KATNIP: variants seen among roughly 807,000 people sequenced by gnomAD.
KATNIP encodes the protein katanin-interacting protein.
Under a neutral mutation model 174.0 loss-of-function variants are expected in KATNIP, and 126 were observed. That is an observed-to-expected ratio of 0.72 (90% CI 0.63 to 0.84). KATNIP has a LOEUF of 0.84. KATNIP is among the 40% of genes least tolerant of loss of function. The pLI is 0.00. For synonymous variants in KATNIP, 810 were observed against 835.7 expected, an observed-to-expected ratio of 0.97 and a Z score of 0.53; for missense variants, 1,958 against 2,109.7, an observed-to-expected ratio of 0.93 and a Z score of 1.41.
intron 14 of KATNIP, among the ~76,000 whole-genome samples, chr16:27,730,313 T>C (rs2080620532): frequency 1.3e-5 from 2 of 152,238 alleles, no homozygotes; most frequent in Admixed American, 1.3e-4. Context: ...CATGAAAATA[T>C]GAATTTTTTT....
intron 13 of KATNIP, among the ~76,000 whole-genome samples, chr16:27,716,060 A>G (rs1232082620): frequency 6.6e-6 from 1 of 152,206 alleles, no homozygotes; most frequent in Non-Finnish European, 1.5e-5. Context: ...CCAGATGTCC[A>G]TCAATGGATG....
At position 27,637,810 on chromosome 16, in the gene KATNIP, T is replaced by G. The variant is rs2076679214; in HGVS notation, c.408+6648T>G. Among the ~76,000 whole-genome samples, 1 of 152,128 alleles carries G rather than the reference T, an allele frequency of 6.6e-6. No individual in the cohort carries two copies. Among genetic ancestry groups the G allele is most frequent in the Non-Finnish European group, 1.5e-5 (1 of 68,028 alleles). On this transcript the variant is annotated intron_variant, in intron 5 of 27. Transcript: ENST00000261588. The surrounding 1 kb of genome is among the most constrained non-coding windows in gnomAD (Gnocchi z 4.7). ...TAAATGTGAGAATTTCCAAGAGGGT[T>G]GAAACAGTAGAGCGCCACGTTTGGG...
rs983095753 is a variant in KATNIP at position 27,612,085 on chromosome 16, G to A, written c.64-6340G>A. Among the ~76,000 whole-genome samples, 4 of 152,134 alleles carry A rather than the reference G, an allele frequency of 2.6e-5. No individual in the cohort carries two copies. The South Asian group carries it at 8.3e-4, about 32-fold the overall frequency. On this transcript the variant is annotated intron_variant, in intron 2 of 27. Coordinates refer to ENST00000261588, the MANE Select transcript of KATNIP (RefSeq NM_015202.5). ...GTGAGAATGGGGCGAGGTGGGACTC[G>A]GATGGTGCTGTTTTGGAAATGGAGT...
At chr16:27,675,458 A>AG (rs1250574565) in intron 6 of KATNIP, among the ~76,000 whole-genome samples, 1 of 152,184 alleles carries the variant, frequency 6.6e-6, no homozygotes, top group Non-Finnish European at 1.5e-5. Flanking sequence ...GGTAAATAAA[A>AG]GGGAAAAAAG....
intron 8 of KATNIP, 25 bp from the exon 9 acceptor site, chr16:27,698,303 A>G: frequency 6.3e-7 from 1 of 1,587,936 alleles, no homozygotes; most frequent in Non-Finnish European, 8.6e-7. Context: ...ATCTAAAAGA[A>G]CGTCCCCCTG....
At chr16:27,659,946 G>T in intron 6 of KATNIP, 1 of 960,466 alleles carries the variant, frequency 1.0e-6, no homozygotes, top group Non-Finnish European at 1.2e-6. Flanking sequence ...GTTTGGCCTG[G>T]TCCCCACTAC....
chr16:27,770,900 C>T (rs2082275451), intron 21 of KATNIP, among the ~76,000 whole-genome samples: 1 of 152,212 alleles, frequency 6.6e-6, no homozygotes, highest in South Asian at 2.1e-4. Context: ...TCTCACTTCC[C>T]TCTCCCCATC....
intron 18 of KATNIP, among the ~76,000 whole-genome samples, chr16:27,756,917 G>A (rs1193465513): frequency 6.6e-6 from 1 of 152,118 alleles, no homozygotes; most frequent in East Asian, 1.9e-4. Context: ...CATCCATGTG[G>A]AAAGTCCTGG....
chr16:27,768,858 G>T (rs57610978), intron 20 of KATNIP, among the ~76,000 whole-genome samples: 7,828 of 152,272 alleles, frequency 0.051, 384 homozygotes, highest in African/African-American at 0.12. Context: ...CAGGAGGAGC[G>T]CCTCTGCCTC....
chr16:27,597,042 TA>T, intron 2 of KATNIP, among the ~76,000 whole-genome samples: 1 of 151,322 alleles, frequency 6.6e-6, no homozygotes, highest in South Asian at 2.1e-4. Context: ...TAAATAAAAA[TA>T]ATTAGCTGGT....
intron 1 of KATNIP, among the ~76,000 whole-genome samples, chr16:27,570,960 A>C (rs1306230844): frequency 6.6e-6 from 1 of 152,224 alleles, no homozygotes. Context: ...ATCCAAGAGA[A>C]AGGGGAAAAA....
At chr16:27,752,510 G>T (rs185424786) in intron 17 of KATNIP, among the ~76,000 whole-genome samples, 154 of 152,346 alleles carry the variant, frequency 1.0e-3, no homozygotes, top group East Asian at 9.6e-3. Flanking sequence ...ACTTGAATGC[G>T]TGATTCCACA....
At chr16:27,569,200 T>A (rs1264472778) in intron 1 of KATNIP, among the ~76,000 whole-genome samples, 1 of 152,218 alleles carries the variant, frequency 6.6e-6, no homozygotes, top group Non-Finnish European at 1.5e-5. Context: ...TGATTTTCCC[T>A]TTGCCTGATG....
chr16:27,771,882 G>A (rs2082317938), intron 22 of KATNIP, among the ~76,000 whole-genome samples: 1 of 152,192 alleles, frequency 6.6e-6, no homozygotes, highest in Non-Finnish European at 1.5e-5. Flanking sequence ...CAGCACCCAG[G>A]ACTCCAGCTG....
rs570956425 is a variant in KATNIP at position 27,625,893 on chromosome 16, G to A, written c.141-2768G>A. On this transcript the variant is annotated intron_variant, in intron 3 of 27. Transcript: ENST00000261588. ...GAGACAAGGTCTCTGTCTGTCACCCGGGCTGGAGTGCAGTGGCATGATCAT... is the reference window on the plus strand; with the variant it reads ...GAGACAAGGTCTCTGTCTGTCACCCAGGCTGGAGTGCAGTGGCATGATCAT... 1.3e-3 allele frequency among the ~76,000 whole-genome samples: 191 copies of A among 149,608 alleles called. 1 individual carries two copies. The highest frequency in any genetic ancestry group is 4.5e-3 in the African/African-American group (184 of 40,628).
intron 15 of KATNIP, among the ~76,000 whole-genome samples, chr16:27,744,262 A>G (rs910618520): frequency 6.6e-6 from 1 of 152,114 alleles, no homozygotes; most frequent in African/African-American, 2.4e-5. Flanking sequence ...GCACTGTCTC[A>G]CACCTGTAAA....
At chr16:27,588,137 C>T (rs1288807285) in intron 2 of KATNIP, among the ~76,000 whole-genome samples, 1 of 152,072 alleles carries the variant, frequency 6.6e-6, no homozygotes, top group African/African-American at 2.4e-5. Flanking sequence ...AGCGACCCTC[C>T]TGCCTCTGCC....
chr16:27,761,930 G>T (rs564138185), intron 19 of KATNIP, among the ~76,000 whole-genome samples: 57 of 152,304 alleles, frequency 3.7e-4, no homozygotes, highest in African/African-American at 1.3e-3. Context: ...TGCAGTGGAT[G>T]GTTCAGAGTT....
chr16:27,596,407 C>G (rs2075337698), intron 2 of KATNIP, among the ~76,000 whole-genome samples: 1 of 152,038 alleles, frequency 6.6e-6, no homozygotes, highest in Non-Finnish European at 1.5e-5. Flanking sequence ...TGAGAGCAGG[C>G]TTTAGGGGGA....
Sources: allele counts gnomAD v4.1 joint callset (sites outside exome capture counted in the v4.1 genomes callset), GRCh38; gene constraint gnomAD v4.1.1; non-coding constraint Gnocchi (gnomAD v3.1); transcripts MANE v1.5; gene names NCBI Gene and HGNC (gene_info 2026-07-23, HGNC 2026-07-21).